The following MACROD2 variants were observed in gnomAD, a reference collection of about 807,000 sequenced individuals.
The protein encoded by MACROD2 is mono-ADP ribosylhydrolase 2.
A neutral mutation model predicts 70.4 loss-of-function variants in MACROD2; 36 were observed. The ratio of observed to expected loss-of-function variants is 0.51; its 90% CI spans 0.39 to 0.68. MACROD2 has a LOEUF of 0.68. MACROD2 is among the 30% of genes least tolerant of loss of function. The pLI is 0.00. For synonymous variants in MACROD2, 172 were observed against 178.8 expected, an observed-to-expected ratio of 0.96 and a Z score of 0.30; for missense variants, 496 against 538.4, an observed-to-expected ratio of 0.92 and a Z score of 0.78.
chr20:15,607,746 C>T (rs569542860), intron 8 of MACROD2, among the ~76,000 whole-genome samples: 1 of 152,124 alleles, frequency 6.6e-6, no homozygotes, highest in African/African-American at 2.4e-5. Context: ...GTTGGCCAGG[C>T]TGGTCTCAAA....
chr20:14,346,833 TGCTTATTGAATA>T (rs1430647016), intron 3 of MACROD2, among the ~76,000 whole-genome samples: 2 of 152,214 alleles, frequency 1.3e-5, no homozygotes, highest in Admixed American at 6.5e-5. Context: ...TTTCAACAAA[TGCTTATTGAATA>T]GCAAGGTGTG....
rs111790396 is a variant in MACROD2, at chr20:15,663,868, A to T, written c.645+164021A>T. Among the ~76,000 whole-genome samples, 446 of 152,262 alleles carry T rather than the reference A, an allele frequency of 2.9e-3. 3 individuals are homozygous for T. The highest frequency in any genetic ancestry group is 9.6e-3 in the African/African-American group (399 of 41,536). On this transcript the variant is annotated intron_variant, in intron 8 of 17. Transcript: ENST00000684519. ...CACTCATCAACATACCAACTGCAAA[A>T]ACAGAAGTCGGGCAAAAGCAGTGCG...
chr20:14,764,891 T>C (rs534081306), intron 5 of MACROD2, among the ~76,000 whole-genome samples: 50 of 152,206 alleles, frequency 3.3e-4, no homozygotes, highest in Admixed American at 2.8e-3. Context: ...ATGGATGGAA[T>C]ATTTGATAGA....
chr20:14,498,965 A>G (rs980733360), intron 4 of MACROD2, among the ~76,000 whole-genome samples: 1 of 152,196 alleles, frequency 6.6e-6, no homozygotes, highest in Non-Finnish European at 1.5e-5. Context: ...AGCAGTCAGC[A>G]GGGAGGGACT....
At chr20:14,822,673 G>A (rs2072859962) in intron 5 of MACROD2, among the ~76,000 whole-genome samples, 1 of 152,046 alleles carries the variant, frequency 6.6e-6, no homozygotes, top group Admixed American at 6.6e-5. Flanking sequence ...CTGAGTTTGA[G>A]ATTTCAGTTA....
intron 3 of MACROD2, chr20:14,327,700 T>C: frequency 1.7e-6 from 1 of 579,612 alleles, no homozygotes; most frequent in East Asian, 3.0e-5. Context: ...ATAATAGGGT[T>C]TATTGCTAGC....
intron 5 of MACROD2, among the ~76,000 whole-genome samples, chr20:14,753,775 A>T (rs1176329836): frequency 2.6e-5 from 4 of 152,158 alleles, no homozygotes; most frequent in Non-Finnish European, 5.9e-5. Context: ...ATCAGACCAT[A>T]AAAGACAATC....
intron 3 of MACROD2, among the ~76,000 whole-genome samples, chr20:14,271,236 G>A (rs1032926975): frequency 1.3e-5 from 2 of 152,146 alleles, no homozygotes; most frequent in Non-Finnish European, 2.9e-5. Context: ...TAACTGGGAG[G>A]CACCCCCCAG....
chr20:14,466,431 T>C (rs1328421320), intron 3 of MACROD2, among the ~76,000 whole-genome samples: 1 of 152,140 alleles, frequency 6.6e-6, no homozygotes, highest in Non-Finnish European at 1.5e-5. Flanking sequence ...AGTTATCCAT[T>C]CGTCTAATTT....
At chr20:15,456,098 G>C (rs2046721472) in intron 7 of MACROD2, among the ~76,000 whole-genome samples, 1 of 152,102 alleles carries the variant, frequency 6.6e-6, no homozygotes, top group South Asian at 2.1e-4. Context: ...TATCTTGACA[G>C]TAATTGCTGG....
chr20:15,196,095 G>C (rs944047905), intron 5 of MACROD2, among the ~76,000 whole-genome samples: 2 of 152,118 alleles, frequency 1.3e-5, no homozygotes, highest in African/African-American at 4.8e-5. Flanking sequence ...GCAGGGAAAG[G>C]GAGAGCATCA....
intron 8 of MACROD2, among the ~76,000 whole-genome samples, chr20:15,794,069 G>A (rs1262300152): frequency 6.6e-6 from 1 of 151,600 alleles, no homozygotes; most frequent in Non-Finnish European, 1.5e-5. Context: ...AGACAACATG[G>A]CAAATCCTTA....
chr20:15,710,507 A>G (rs2050611101), intron 8 of MACROD2, among the ~76,000 whole-genome samples: 1 of 152,216 alleles, frequency 6.6e-6, no homozygotes, highest in Non-Finnish European at 1.5e-5. Flanking sequence ...TCCATTAAGC[A>G]TGTTATATGG....
chr20:15,392,549 A>G (rs1022806147), intron 6 of MACROD2, among the ~76,000 whole-genome samples: 5 of 152,030 alleles, frequency 3.3e-5, no homozygotes, highest in African/African-American at 7.3e-5. Flanking sequence ...TCTCTCTTAG[A>G]TGAGTAATAA....
At chr20:15,130,162 A>G (rs146099826) in intron 5 of MACROD2, among the ~76,000 whole-genome samples, 1 of 152,276 alleles carries the variant, frequency 6.6e-6, no homozygotes, top group Non-Finnish European at 1.5e-5. Flanking sequence ...TTAACATAGC[A>G]AAGTGAAGCT....
intron 4 of MACROD2, among the ~76,000 whole-genome samples, chr20:14,624,074 A>T (rs1011150181): frequency 6.6e-6 from 1 of 152,158 alleles, no homozygotes; most frequent in Non-Finnish European, 1.5e-5. Flanking sequence ...CTGTTATTTG[A>T]TGGCATAATG....
chr20:14,157,809 CTTTATCCATTCA>C (rs2055125571), intron 3 of MACROD2, among the ~76,000 whole-genome samples: 1 of 152,148 alleles, frequency 6.6e-6, no homozygotes, highest in Admixed American at 6.5e-5. Flanking sequence ...GCCACATTTT[CTTTATCCATTCA>C]TCCATTGATG....
chr20:15,129,206 T>C (rs2076087948), intron 5 of MACROD2, among the ~76,000 whole-genome samples: 1 of 152,080 alleles, frequency 6.6e-6, no homozygotes, highest in Admixed American at 6.6e-5. Context: ...CTGTATTTAA[T>C]ATATGGATTG....
chr20:15,479,265 C>CTTTTT (rs767435610), intron 7 of MACROD2, among the ~76,000 whole-genome samples: 84 of 87,764 alleles, frequency 9.6e-4, no homozygotes, highest in South Asian at 2.0e-3. Context: ...TTCTCGCTCT[C>CTTTTT]TTTTTTTTTT....
Sources: gnomAD v4.1 joint callset for allele counts (sites outside exome capture counted in the v4.1 genomes callset) on GRCh38, gnomAD v4.1.1 for gene constraint, MANE v1.5 for transcripts, NCBI Gene and HGNC (gene_info 2026-07-23, HGNC 2026-07-21) for gene names.